IGF2R: variants seen among roughly 807,000 people sequenced by gnomAD.
The protein encoded by IGF2R is insulin like growth factor 2 receptor.
A neutral mutation model predicts 270.6 loss-of-function variants in IGF2R; 91 were observed. The observed-to-expected ratio is 0.34, with a 90% confidence interval of 0.28 to 0.40. The LOEUF (loss-of-function observed/expected upper bound fraction) is 0.40, where lower values mean the gene tolerates loss of function less well. Among genes scored for constraint, IGF2R ranks in the 10% least tolerant of loss-of-function variants. The probability of loss-of-function intolerance (pLI) is 1.00; values close to 1 mark genes in which losing one functional copy is unlikely to be tolerated. For missense variants in IGF2R, 2,805 were observed against 3,188.3 expected (o/e 0.88, Z 2.90); for synonymous variants, 1,316 against 1,258.9 (o/e 1.05, Z -0.96).
chr6:159,971,474 T>A (rs1293165922), intron 1 of IGF2R, among the ~76,000 whole-genome samples: 1 of 152,250 alleles, frequency 6.6e-6, no homozygotes, highest in Admixed American at 6.5e-5. Flanking sequence ...AAGTTGTGTT[T>A]AATTTTTCTG....
chr6:159,982,601 T>G (rs1170485945), intron 1 of IGF2R, among the ~76,000 whole-genome samples: 1 of 152,248 alleles, frequency 6.6e-6, no homozygotes, highest in Non-Finnish European at 1.5e-5. Context: ...ACGTGCCTAC[T>G]TTTATTATTA....
In IGF2R at chr6:160,068,279, G is replaced by T. The variant is rs755737323; in HGVS notation, c.4146G>T (p.Ser1382=). The change falls in exon 30 of 48, where the codon TCG becomes TCT. Residue 1382 remains serine, a synonymous_variant. Coordinates refer to ENST00000356956, the MANE Select transcript of IGF2R (RefSeq NM_000876.4). The part of the protein sequence containing the change: ...KDGAGNSFDL[S]SLSRYSDNWE... ...GGGCTGGCAACTCCTTCGACCTCTC[G>T]TCCCTGTCAAGGTACAGTGACAACT... The T allele has an allele frequency of 1.9e-6, 3 of 1,614,190 alleles. No homozygotes were observed. Among genetic ancestry groups the T allele is most frequent in the Non-Finnish European group, 2.5e-6 (3 of 1,180,032 alleles).
chr6:160,031,437 A>G (rs917420492), intron 7 of IGF2R, among the ~76,000 whole-genome samples: 1 of 151,708 alleles, frequency 6.6e-6, no homozygotes, highest in Non-Finnish European at 1.5e-5. Context: ...TTGCATTTCC[A>G]TCACCCCAAA....
intron 30 of IGF2R, among the ~76,000 whole-genome samples, chr6:160,068,827 G>A (rs1456287254): frequency 6.6e-6 from 1 of 152,202 alleles, no homozygotes; most frequent in Non-Finnish European, 1.5e-5. Context: ...TTCTTTGGAG[G>A]CGCTTTACTC....
chr6:160,060,405 T>C (rs1375071216), intron 22 of IGF2R, 142 bp from the exon 23 acceptor site: 2 of 743,632 alleles, frequency 2.7e-6, no homozygotes, highest in Non-Finnish European at 4.6e-6. Context: ...GATACACACT[T>C]GGTGCCCTGG....
intron 19 of IGF2R, among the ~76,000 whole-genome samples, chr6:160,052,213 A>G (rs1057385174): frequency 2.6e-5 from 4 of 152,196 alleles, no homozygotes; most frequent in African/African-American, 9.7e-5. Context: ...CAAAATAGTA[A>G]TCATATAAAC....
At chr6:159,975,720 A>G (rs962723168) in intron 1 of IGF2R, among the ~76,000 whole-genome samples, 1 of 146,890 alleles carries the variant, frequency 6.8e-6, no homozygotes, top group Non-Finnish European at 1.5e-5. Flanking sequence ...TGTATTGTGT[A>G]TATATTATAT....
chr6:160,096,544 A>T lies in IGF2R; in HGVS notation c.6761A>T (p.Asp2254Val), dbSNP rs1779363968. ...TTCCACTGTGACCCTCTGGTGGAGG[A>T]CGGGATCCCCGAGTTCAGTCACGAG... ...IFFHCDPLVE[D>V]GIPEFSHETA... Residue 2254 changes from aspartate to valine, a missense_variant, in exon 45 of 48, where the codon GAC becomes GTC. Transcript: ENST00000356956. 1.2e-6 allele frequency: 2 copies of T among 1,613,968 alleles called. No individual in the cohort carries two copies. Among genetic ancestry groups the T allele is most frequent in the Non-Finnish European group, 1.7e-6 (2 of 1,179,988 alleles).
chr6:160,043,868 A>G (rs906338339), intron 12 of IGF2R, among the ~76,000 whole-genome samples: 2 of 152,246 alleles, frequency 1.3e-5, no homozygotes, highest in Non-Finnish European at 2.9e-5. Flanking sequence ...AAAGCATTCA[A>G]TAAGGAATTG....
In IGF2R at chr6:160,106,017, T is replaced by C. The variant is rs1298846585; in HGVS notation, c.*933T>C. The C allele has an allele frequency of 6.6e-6, 1 of 152,402 alleles. No homozygotes were observed. The highest frequency in any genetic ancestry group is 6.5e-5 in the Admixed American group (1 of 15,280). 9.4% of individuals were successfully genotyped at this position (152,402 alleles called of 1,614,324 possible). On this transcript the variant is annotated 3_prime_UTR_variant, in exon 48 of 48. Transcript: ENST00000356956. ...GTCTCATCTCTTCAGGTTCTCATGATACCACCTTTACTGTGCTTATTTTTT... is the reference window on the plus strand; with the variant it reads ...GTCTCATCTCTTCAGGTTCTCATGACACCACCTTTACTGTGCTTATTTTTT...
intron 10 of IGF2R, among the ~76,000 whole-genome samples, chr6:160,034,981 T>C (rs184242028): frequency 5.3e-5 from 8 of 152,296 alleles, no homozygotes; most frequent in Admixed American, 5.2e-4. Context: ...AGAATGTCAC[T>C]GGGTGCATTG....
In IGF2R at chr6:160,078,255, A is replaced by G. The variant is rs1778897463; in HGVS notation, c.5371A>G (p.Thr1791Ala). 6.2e-7 allele frequency: 1 copy of G among 1,613,772 alleles called. No homozygotes were observed. Among genetic ancestry groups the G allele is most frequent in the Non-Finnish European group, 8.5e-7 (1 of 1,179,938 alleles). ...GTGCGACTTTGTGTTCGAATGGGAG[A>G]CTCCTGTCGTCTGTCCTGATGAAGT... The part of the protein sequence containing the change: ...SECDFVFEWE[T>A]PVVCPDEVRM... Residue 1791 changes from threonine to alanine, a missense_variant, in exon 37 of 48, where the codon ACT becomes GCT. By Grantham distance (58) the Thr-to-Ala change is moderately conservative (BLOSUM62 0). Transcript: ENST00000356956.
intron 25 of IGF2R, among the ~76,000 whole-genome samples, chr6:160,062,168 ATTTT>A (rs34356477): frequency 2.8e-5 from 3 of 106,618 alleles, no homozygotes; most frequent in African/African-American, 3.7e-5. Context: ...CATTTATTTA[ATTTT>A]TTTTTTTTTT....
At chr6:160,052,238 C>T (rs576864772) in intron 19 of IGF2R, among the ~76,000 whole-genome samples, 1 of 152,274 alleles carries the variant, frequency 6.6e-6, no homozygotes, top group South Asian at 2.1e-4. Flanking sequence ...TCAGCAAAGT[C>T]TCAGGATACA....
intron 31 of IGF2R, 72 bp downstream of exon 31, chr6:160,070,130 G>T: frequency 7.0e-7 from 1 of 1,420,836 alleles, no homozygotes; most frequent in South Asian, 1.2e-5. Flanking sequence ...GCGGTGAGCC[G>T]CACGTCCTCA....
intron 4 of IGF2R, among the ~76,000 whole-genome samples, chr6:160,023,522 A>G (rs1480634906): frequency 6.6e-6 from 1 of 152,204 alleles, no homozygotes; most frequent in Non-Finnish European, 1.5e-5. Flanking sequence ...GCTGTACCCC[A>G]AGCTTCACAT....
At chr6:159,983,586 C>T (rs1163400627) in intron 1 of IGF2R, among the ~76,000 whole-genome samples, 1 of 152,176 alleles carries the variant, frequency 6.6e-6, no homozygotes, top group African/African-American at 2.4e-5. Context: ...GGGTATGTTT[C>T]TGCCACAGAC....
At position 160,084,288 on chromosome 6, in the gene IGF2R, A is replaced by G. The variant is rs1779051470; in HGVS notation, c.6068+104A>G. On this transcript the variant is annotated intron_variant, in intron 40 of 47. Transcript: ENST00000356956. This position sits in a 1 kb window ranked among gnomAD's most constrained non-coding sequence, Gnocchi z 4.6. ...TTTGGGTTCTCAAGATGGGAATACTATGCCCATGTGAGGCTGATGGTGGTT... is the reference window on the plus strand; with the variant it reads ...TTTGGGTTCTCAAGATGGGAATACTGTGCCCATGTGAGGCTGATGGTGGTT... The G allele has an allele frequency of 5.8e-6, 4 of 694,954 alleles. No homozygotes were observed. The highest frequency in any genetic ancestry group is 3.5e-5 in the African/African-American group (2 of 56,586). The allele number at this position is 694,954 out of a possible 1,614,324, so 43.0% of individuals were successfully genotyped here.
At chr6:159,975,849 G>A (rs115751294) in intron 1 of IGF2R, among the ~76,000 whole-genome samples, 1,511 of 148,748 alleles carry the variant, frequency 0.01, 21 homozygotes, top group African/African-American at 0.036. Flanking sequence ...CCACAAAAAG[G>A]GTAAAAGTTT....
Sources: gnomAD v4.1 joint callset for allele counts (sites outside exome capture counted in the v4.1 genomes callset) on GRCh38, gnomAD v4.1.1 for gene constraint, Gnocchi (gnomAD v3.1) non-coding constraint, MANE v1.5 for transcripts, NCBI Gene and HGNC (gene_info 2026-07-23, HGNC 2026-07-21) for gene names.